Variants in DHX38 observed in about 807,000 individuals in gnomAD.
DHX38 encodes the protein pre-mRNA-splicing factor ATP-dependent RNA helicase PRP16.
A neutral mutation model predicts 153.1 loss-of-function variants in DHX38; 100 were observed. The ratio of observed to expected loss-of-function variants is 0.65; its 90% CI spans 0.56 to 0.77. The LOEUF (loss-of-function observed/expected upper bound fraction) is 0.77, where lower values mean the gene tolerates loss of function less well. Among genes scored for constraint, DHX38 ranks in the 30% least tolerant of loss-of-function variants. DHX38 has a pLI of 0.00. For missense variants in DHX38, 1,440 were observed against 1,654.0 expected (o/e 0.87, Z 2.24); for synonymous variants, 650 against 631.7 (o/e 1.03, Z -0.43).
intron 8 of DHX38, 40 bp from the exon 9 acceptor site, chr16:72,100,396 G>C: frequency 6.2e-7 from 1 of 1,603,788 alleles, no homozygotes; most frequent in Non-Finnish European, 8.5e-7. Flanking sequence ...ACGACCTTTG[G>C]GGTGGCAATT....
In DHX38 at chr16:72,096,266, C is replaced by G. The variant is rs1325167973; in HGVS notation, c.109C>G (p.His37Asp). ...GTCCAAAAGTGCGGCCAGCGAGCAGCATGTCTTCAAGGCTCCTGCTCCCCG... is the reference window on the plus strand; with the variant it reads ...GTCCAAAAGTGCGGCCAGCGAGCAGGATGTCTTCAAGGCTCCTGCTCCCCG... ...CKSKSAASEQHVFKAPAPRPS... is the reference protein window; with the variant it reads ...CKSKSAASEQDVFKAPAPRPS... The change falls in exon 2 of 27, where the codon CAT (histidine) becomes GAT (aspartate). Residue 37 changes from histidine to aspartate, a missense_variant. His to Asp is a moderately conservative substitution (Grantham distance 81). Around this residue, in one of 6 missense-constraint regions of DHX38, gnomAD observed 483 missense variants for 465.1 expected, o/e 1.04. Transcript: ENST00000268482. The G allele has an allele frequency of 6.2e-7, 1 of 1,614,196 alleles. No individual in the cohort carries two copies. Among genetic ancestry groups the G allele is most frequent in the Non-Finnish European group, 8.5e-7 (1 of 1,180,036 alleles).
intron 26 of DHX38, among the ~76,000 whole-genome samples, chr16:72,111,331 C>T (rs2042253237): frequency 6.6e-6 from 1 of 152,218 alleles, no homozygotes. Context: ...GGTTTCACAG[C>T]TTTACTCATG....
In DHX38 at chr16:72,097,784, A is replaced by G. The variant is rs755096342; in HGVS notation, c.616+3A>G. 3.3e-5 allele frequency: 53 copies of G among 1,612,372 alleles called. No individual in the cohort carries two copies. The Admixed American group carries it at 8.9e-4, about 27-fold the overall frequency. On this transcript the variant is annotated splice_donor_region_variant and intron_variant, in intron 4 of 26. Transcript: ENST00000268482. ...GAGCCCACGACATCGACCTAAAGGT[A>G]GACTCACTGTTTTGGTGGCTTGTGA... is the stretch of plus-strand genomic sequence containing the variant.
At chr16:72,097,295 A>ATAG in intron 3 of DHX38, 1 of 395,528 alleles carries the variant, frequency 2.5e-6, no homozygotes, top group Non-Finnish European at 4.6e-6. Flanking sequence ...AGCATTTCTA[A>ATAG]TAGTATTGGT....
At chr16:72,098,453 A>T (rs1191355053) in intron 4 of DHX38, among the ~76,000 whole-genome samples, 192 bp from the exon 5 acceptor site, 13 of 152,180 alleles carry the variant, frequency 8.5e-5, no homozygotes. Flanking sequence ...AAAAAGGAAA[A>T]ATACATCCTG....
At chr16:72,103,563 A>G (rs1195095301) in intron 12 of DHX38, 39 bp from the exon 13 acceptor site, 2 of 1,584,084 alleles carry the variant, frequency 1.3e-6, no homozygotes, top group South Asian at 1.1e-5. Context: ...TTGGCCTTCC[A>G]CTTCGGCTGA....
At position 72,096,204 on chromosome 16, in the gene DHX38, C is replaced by G. The variant is rs35794819; in HGVS notation, c.47C>G (p.Thr16Ser). ...EDASIHRLEG[T>S]DLDCQVGGLI... is the part of the protein sequence containing the mutation. ...GCCTCGATCCATCGATTGGAAGGCA[C>G]TGATCTGGACTGTCAGGTTGGTGGT... Residue 16 changes from threonine (T) to serine (S), a missense_variant, in exon 2 of 27, where the codon ACT becomes AGT. By Grantham distance (58) the Thr-to-Ser change is moderately conservative. This residue lies in a region of DHX38 where 483 missense variants were observed against 465.1 expected (regional missense o/e 1.04). Transcript: ENST00000268482. The G allele has an allele frequency of 0.022, 35,937 of 1,612,508 alleles. 514 individuals carry two copies. The highest frequency in any genetic ancestry group is 0.027 in the South Asian group (2,487 of 91,050).
At chr16:72,100,337 G>A in intron 8 of DHX38, 99 bp from the exon 9 acceptor site, 1 of 1,462,592 alleles carries the variant, frequency 6.8e-7, no homozygotes, top group Non-Finnish European at 9.2e-7. Flanking sequence ...AGCTACCAGT[G>A]GCCTTCTGTC....
chr16:72,104,434 C>T lies in DHX38; in HGVS notation c.2011-52C>T. 1.2e-6 allele frequency: 2 copies of T among 1,604,658 alleles called. No homozygotes were observed. Among genetic ancestry groups the T allele is most frequent in the Non-Finnish European group, 1.7e-6 (2 of 1,177,804 alleles). On this transcript the variant is annotated intron_variant, in intron 14 of 26. Transcript: ENST00000268482. The surrounding 1 kb of genome is among the most constrained non-coding windows in gnomAD (Gnocchi z 4.5). ...GGGTGGTGCTGATGGGACTGGGGGA[C>T]AGGAGCCAAGGGTCCCCACCATGGG...
chr16:72,110,891 G>C, intron 25 of DHX38, 65 bp from the exon 26 acceptor site: 1 of 1,505,868 alleles, frequency 6.6e-7, no homozygotes. Flanking sequence ...GGACTTGGGT[G>C]CCGACGAGGC....
At position 72,104,030 on chromosome 16, in the gene DHX38, T is replaced by A; in HGVS notation, c.1909T>A (p.Ser637Thr). Reference protein sequence around the residue: ...YMTDGILLRESLREADLDHYS... With the variant: ...YMTDGILLRETLREADLDHYS... ...GACTGACGGGATCCTGCTCCGAGAG[T>A]CCCTCCGGGAAGCCGACCTGGATCA... Residue 637 changes from serine (S) to threonine (T), a missense_variant, in exon 14 of 27, where the codon TCC (serine) becomes ACC (threonine). By Grantham distance (58) the Ser-to-Thr change is moderately conservative (BLOSUM62 1). Around this residue, in one of 6 missense-constraint regions of DHX38, gnomAD observed 21 missense variants for 46.7 expected, o/e 0.45. Coordinates refer to ENST00000268482, the MANE Select transcript of DHX38 (RefSeq NM_014003.4). The surrounding 1 kb of genome is among the most constrained non-coding windows in gnomAD (Gnocchi z 4.5). The A allele has an allele frequency of 1.2e-6, 2 of 1,613,768 alleles. No individual in the cohort carries two copies. The highest frequency in any genetic ancestry group is 1.7e-6 in the Non-Finnish European group (2 of 1,179,962).
In DHX38 at chr16:72,105,090, G is replaced by T. The variant is rs201461331; in HGVS notation, c.2215G>T (p.Ala739Ser). The change falls in exon 16 of 27, where the codon GCC (alanine) becomes TCC (serine). Residue 739 changes from alanine to serine, a missense_variant. Around this residue, in one of 6 missense-constraint regions of DHX38, gnomAD observed 543 missense variants for 717.9 expected, o/e 0.76. Coordinates refer to ENST00000268482, the MANE Select transcript of DHX38 (RefSeq NM_014003.4). ...KQSLQVHLSG[A>S]PGDILIFMPG... ...GTCCTTGCAGGTGCACCTGTCGGGG[G>T]CCCCTGGAGACATCCTTATCTTCAT... The T allele has an allele frequency of 1.2e-6, 2 of 1,614,210 alleles. No homozygotes were observed. Among genetic ancestry groups the T allele is most frequent in the African/African-American group, 1.3e-5 (1 of 75,046 alleles).
chr16:72,104,151 G>A lies in DHX38; in HGVS notation c.2010+20G>A. ...CGGGAGGTGAGGGCTGTGTGGTTTG[G>A]TCTCTCTGCGCATGGGGTGTTGACC... On this transcript the variant is annotated intron_variant, in intron 14 of 26. Coordinates refer to ENST00000268482, the MANE Select transcript of DHX38 (RefSeq NM_014003.4). This position sits in a 1 kb window ranked among gnomAD's most constrained non-coding sequence, Gnocchi z 4.5. 6.2e-7 allele frequency: 1 copy of A among 1,611,102 alleles called. No individual in the cohort carries two copies. The highest frequency in any genetic ancestry group is 2.2e-5 in the East Asian group (1 of 44,772).
intron 19 of DHX38, among the ~76,000 whole-genome samples, chr16:72,106,618 T>C (rs888953329): frequency 6.6e-6 from 1 of 151,968 alleles, no homozygotes; most frequent in East Asian, 1.9e-4. Flanking sequence ...CTGGCTAATT[T>C]GTTCATATTT....
At position 72,107,312 on chromosome 16, in the gene DHX38, T is replaced by C. The variant is rs1200727150; in HGVS notation, c.2601-28T>C. 1 of 1,587,078 alleles carries C rather than the reference T, an allele frequency of 6.3e-7. No homozygotes were observed. On this transcript the variant is annotated intron_variant, in intron 19 of 26. Transcript: ENST00000268482. The surrounding 1 kb of genome is among the most constrained non-coding windows in gnomAD (Gnocchi z 5.3). ...TGGCTGCTGTGGGGTTTCCTTGTGG[T>C]GAGAAGATGGGGTCTTCTCCCCGGC...
intron 9 of DHX38, 67 bp downstream of exon 9, chr16:72,100,664 C>T: frequency 1.9e-6 from 3 of 1,576,994 alleles, no homozygotes; most frequent in East Asian, 4.5e-5. Context: ...GGTGCAGTGG[C>T]TCATGCCTGT....
In DHX38 at chr16:72,099,012, T is replaced by G. The variant is rs1388069811; in HGVS notation, c.850T>G (p.Leu284Val). The G allele has an allele frequency of 1.9e-6, 3 of 1,613,076 alleles. No homozygotes were observed. In the East Asian group the frequency reaches 6.7e-5, roughly 36 times the overall value. ...CGAGTGGGCCGATGACAGAAGACAC[T>G]TGGGGTCCACCCCGCGTCTGTCCAG... is the stretch of plus-strand genomic sequence containing the variant. ...YNEWADDRRH[L>V]GSTPRLSRGR... Residue 284 changes from leucine (L) to valine (V), a missense_variant, in exon 6 of 27, where the codon TTG becomes GTG. This residue lies in a region of DHX38 where 483 missense variants were observed against 465.1 expected (regional missense o/e 1.04). Coordinates refer to ENST00000268482, the MANE Select transcript of DHX38 (RefSeq NM_014003.4).
intron 24 of DHX38, 71 bp downstream of exon 24, chr16:72,108,996 G>T: frequency 2.0e-6 from 3 of 1,517,720 alleles, no homozygotes; most frequent in African/African-American, 2.8e-5. Context: ...CCTTCACTGC[G>T]TTCTGGCATG....
intron 7 of DHX38, 139 bp downstream of exon 7, chr16:72,099,419 G>T: frequency 3.8e-6 from 3 of 796,928 alleles, no homozygotes; most frequent in East Asian, 2.7e-5. Context: ...CTTTGCAGAG[G>T]CATAGACGGC....
Sources: allele counts gnomAD v4.1 joint callset (sites outside exome capture counted in the v4.1 genomes callset), GRCh38; gene constraint gnomAD v4.1.1; regional missense constraint gnomAD v4.1.1; non-coding constraint Gnocchi (gnomAD v3.1); transcripts MANE v1.5; gene names NCBI Gene and HGNC (gene_info 2026-07-23, HGNC 2026-07-21).